Variants in OR6N1 observed in about 807,000 individuals in gnomAD.
The protein encoded by OR6N1 is olfactory receptor 6N1.
For synonymous variants in OR6N1, 170 were observed against 150.7 expected, an observed-to-expected ratio of 1.13 and a Z score of -0.94; for missense variants, 394 against 371.7, an observed-to-expected ratio of 1.06 and a Z score of -0.49.
upstream of OR6N1, among the ~76,000 whole-genome samples, chr1:158,772,701 C>T (rs1165284275): frequency 6.6e-6 from 1 of 152,182 alleles, no homozygotes; most frequent in African/African-American, 2.4e-5. Context: ...CTCCTCTCTA[C>T]TCTAGTGTTA....
the OR6N1 span, chr1:158,777,362 T>C: frequency 6.2e-7 from 1 of 1,614,094 alleles, no homozygotes; most frequent in Non-Finnish European, 8.5e-7. Context: ...GCAAAAGAAA[T>C]GGTTTTCTTC....
the OR6N1 span, among the ~76,000 whole-genome samples, chr1:158,799,911 G>C: frequency 6.6e-6 from 1 of 152,036 alleles, no homozygotes; most frequent in African/African-American, 2.4e-5. Flanking sequence ...ATGACTCATT[G>C]TATCTGCTTT....
chr1:158,788,232 A>G, the OR6N1 span, among the ~76,000 whole-genome samples: 1 of 152,190 alleles, frequency 6.6e-6, no homozygotes, highest in Non-Finnish European at 1.5e-5. Context: ...TACTAATAAA[A>G]TTTAAGAAAA....
At chr1:158,799,251 G>C in the OR6N1 span, among the ~76,000 whole-genome samples, 2 of 152,158 alleles carry the variant, frequency 1.3e-5, no homozygotes, top group Non-Finnish European at 2.9e-5. Flanking sequence ...TGTTCACCAC[G>C]TTAGCCAAAG....
At chr1:158,832,803 T>C in the OR6N1 span, among the ~76,000 whole-genome samples, 1 of 152,062 alleles carries the variant, frequency 6.6e-6, no homozygotes, top group Non-Finnish European at 1.5e-5. Context: ...GCTTTATTTG[T>C]ACTTTGTCAA....
the OR6N1 span, among the ~76,000 whole-genome samples, chr1:158,804,238 A>G: frequency 5.9e-5 from 9 of 152,248 alleles, no homozygotes; most frequent in African/African-American, 1.9e-4. Flanking sequence ...TTTGATCACC[A>G]TCCTTTGGTC....
At chr1:158,808,168 T>C in the OR6N1 span, among the ~76,000 whole-genome samples, 3,320 of 132,984 alleles carry the variant, frequency 0.025, 128 homozygotes, top group African/African-American at 0.087. Context: ...GACGGAGTCT[T>C]GCTCTGTCGC....
At chr1:158,777,305 C>T in the OR6N1 span, 2 of 1,614,072 alleles carry the variant, frequency 1.2e-6, no homozygotes, top group Non-Finnish European at 8.5e-7. Flanking sequence ...AGGTAGCATT[C>T]AGACGCTCCC....
chr1:158,819,450 T>G, the OR6N1 span, among the ~76,000 whole-genome samples: 3 of 152,206 alleles, frequency 2.0e-5, no homozygotes, highest in African/African-American at 7.2e-5. Context: ...ACACATTCCT[T>G]GACCTTCATA....
At chr1:158,785,535 C>T in the OR6N1 span, among the ~76,000 whole-genome samples, 2 of 152,068 alleles carry the variant, frequency 1.3e-5, no homozygotes, top group African/African-American at 2.4e-5. Flanking sequence ...TCATCCAAGC[C>T]ACATTTTTAT....
At chr1:158,803,939 G>T in the OR6N1 span, among the ~76,000 whole-genome samples, 25 of 152,164 alleles carry the variant, frequency 1.6e-4, no homozygotes, top group Non-Finnish European at 3.7e-4. Flanking sequence ...TGGTATTACT[G>T]TGCAATGGGT....
Position 158,766,504 on chromosome 1 carries a change from T to C in OR6N1, c.179A>G (p.Tyr60Cys), listed in dbSNP as rs918967077. ...CLDSRLHTPM[Y>C]HFVSILSFSE... is the part of the protein sequence containing the mutation. ...GAAGGAGAGAATGCTGACAAAGTGG[T>C]ACATGGGTGTGTGAAGCCGGGAGTC... Residue 60 changes from tyrosine (Y) to cysteine (C), a missense_variant, in exon 2 of 2, where the codon TAC becomes TGC. Transcript: ENST00000641846. 3.1e-6 allele frequency: 5 copies of C among 1,614,152 alleles called. No individual in the cohort carries two copies. The highest frequency in any genetic ancestry group is 4.2e-6 in the Non-Finnish European group (5 of 1,180,018).
At chr1:158,832,852 A>T in the OR6N1 span, among the ~76,000 whole-genome samples, 1 of 151,834 alleles carries the variant, frequency 6.6e-6, no homozygotes, top group Non-Finnish European at 1.5e-5. Flanking sequence ...CAAATTGAAA[A>T]TTTTTCCTCC....
At chr1:158,811,375 C>A in the OR6N1 span, among the ~76,000 whole-genome samples, 18 of 151,738 alleles carry the variant, frequency 1.2e-4, no homozygotes, top group Admixed American at 1.0e-3. Flanking sequence ...ATTTGCCGAG[C>A]AGTGTTCTAA....
At chr1:158,775,705 A>G (rs757774014), upstream of OR6N1, 77 of 152,178 alleles carry the variant, frequency 5.1e-4, no homozygotes, top group Non-Finnish European at 7.6e-4. Context: ...AACACTAAAG[A>G]GTATAAGAAA....
At chr1:158,795,414 C>A in the OR6N1 span, among the ~76,000 whole-genome samples, 1 of 152,160 alleles carries the variant, frequency 6.6e-6, no homozygotes, top group East Asian at 1.9e-4. Context: ...ATGTCTGTAG[C>A]ACACTTCTCA....
the OR6N1 span, among the ~76,000 whole-genome samples, chr1:158,837,314 C>A: frequency 6.6e-6 from 1 of 151,770 alleles, no homozygotes; most frequent in Admixed American, 6.6e-5. Context: ...ACATTAAAGT[C>A]TCTTACTATT....
chr1:158,766,172 G>A lies in OR6N1; in HGVS notation c.511C>T (p.Pro171Ser), dbSNP rs762250357. The A allele has an allele frequency of 3.1e-6, 5 of 1,614,158 alleles. No individual in the cohort carries two copies. The highest frequency in any genetic ancestry group is 1.1e-5 in the South Asian group (1 of 91,082). ...SLISRLPFCG[P>S]NRIQHVFCDF... ...CAAAAGACGTGCTGAATGCGATTGG[G>A]GCCACAGAATGGGAGGCGTGAAATC... The change falls in exon 2 of 2, where the codon CCC becomes TCC. Residue 171 changes from proline to serine, a missense_variant. Physicochemically the swap from Pro to Ser is moderately conservative, Grantham distance 74. Coordinates refer to ENST00000641846, the MANE Select transcript of OR6N1 (RefSeq NM_001005185.2).
At chr1:158,805,419 C>A in the OR6N1 span, among the ~76,000 whole-genome samples, 2 of 152,228 alleles carry the variant, frequency 1.3e-5, no homozygotes, top group East Asian at 3.9e-4. Flanking sequence ...CATATCATAG[C>A]GCTTATAAAA....
Sources: allele counts gnomAD v4.1 joint callset (sites outside exome capture counted in the v4.1 genomes callset), GRCh38; gene constraint gnomAD v4.1.1; transcripts MANE v1.5; gene names NCBI Gene and HGNC (gene_info 2026-07-23, HGNC 2026-07-21).